Variants in PCDHGA6 observed in about 807,000 individuals in gnomAD.
PCDHGA6 encodes protocadherin gamma-A6.
In PCDHGA6, 41 loss-of-function variants were observed where a neutral mutation model predicts 60.6. That is an observed-to-expected ratio of 0.68 (90% confidence interval 0.53 to 0.88). The LOEUF (loss-of-function observed/expected upper bound fraction) is 0.88. PCDHGA6 is among the 40% of genes least tolerant of loss of function. PCDHGA6 has a pLI of 0.00. For missense variants in PCDHGA6, 1,312 were observed against 1,203.0 expected, an observed-to-expected ratio of 1.09 and a Z score of -1.34; for synonymous variants, 594 against 524.4, an observed-to-expected ratio of 1.13 and a Z score of -1.81.
At chr5:141,418,802 T>G (rs775155011) in intron 1 of PCDHGA6, 1 of 1,613,862 alleles carries the variant, frequency 6.2e-7, no homozygotes, top group Non-Finnish European at 8.5e-7. Flanking sequence ...AGTAGAAAGA[T>G]ATACGATAAA....
chr5:141,395,218 A>G, intron 1 of PCDHGA6: 2 of 1,612,142 alleles, frequency 1.2e-6, no homozygotes, highest in Non-Finnish European at 1.7e-6. Flanking sequence ...GAATATAAGA[A>G]TGAAGCTGAT....
At chr5:141,423,429 A>G (rs1590473158) in intron 1 of PCDHGA6, 2 of 1,613,960 alleles carry the variant, frequency 1.2e-6, no homozygotes, top group African/African-American at 1.3e-5. Flanking sequence ...GCGGGTTGGC[A>G]GGTATGCCCA....
Position 141,477,201 on chromosome 5 carries a change from C to T in PCDHGA6, c.2425-17606C>T, listed in dbSNP as rs1269388368. 6.2e-7 allele frequency: 1 copy of T among 1,614,076 alleles called. No homozygotes were observed. Among genetic ancestry groups the T allele is most frequent in the Non-Finnish European group, 8.5e-7 (1 of 1,180,056 alleles). On this transcript the variant is annotated intron_variant, in intron 1 of 3. Transcript: ENST00000517434. The surrounding 1 kb of genome is among the most constrained non-coding windows in gnomAD (Gnocchi z 4.9). ...GTCACCTCCGTGTACAGCCCAGTAC[C>T]CGAGGATGCCCCTCTGGGGACTGTC... is the stretch of plus-strand genomic sequence containing the variant.
intron 1 of PCDHGA6, among the ~76,000 whole-genome samples, chr5:141,462,331 T>C (rs909948238): frequency 6.6e-6 from 1 of 152,244 alleles, no homozygotes; most frequent in African/African-American, 2.4e-5. Context: ...TCTAATTTAA[T>C]TGTATTGTGA....
chr5:141,384,959 A>G (rs771197511), intron 1 of PCDHGA6: 2 of 1,613,600 alleles, frequency 1.2e-6, no homozygotes, highest in Admixed American at 1.7e-5. Flanking sequence ...CCTTACAACT[A>G]TGACCTCACG....
chr5:141,403,109 G>A (rs754708762), intron 1 of PCDHGA6: 3 of 1,614,074 alleles, frequency 1.9e-6, no homozygotes. Context: ...CAAGGACCTG[G>A]CTCTGGAGCC....
intron 1 of PCDHGA6, among the ~76,000 whole-genome samples, chr5:141,460,653 G>A (rs10058370): frequency 0.17 from 25,559 of 151,914 alleles, 2,196 homozygotes; most frequent in South Asian, 0.22. Flanking sequence ...TTACACATAT[G>A]TAACTGTAAA....
chr5:141,494,671 C>T, intron 1 of PCDHGA6, 136 bp from the exon 2 acceptor site: 1 of 1,532,340 alleles, frequency 6.5e-7, no homozygotes, highest in East Asian at 2.4e-5. Context: ...GAGATGAGTC[C>T]ACCCCTGCCC....
intron 1 of PCDHGA6, chr5:141,399,528 C>A: frequency 6.2e-7 from 1 of 1,614,046 alleles, no homozygotes; most frequent in Non-Finnish European, 8.5e-7. Flanking sequence ...GGGCCTCCAT[C>A]GCGCAAGTCT....
intron 1 of PCDHGA6, chr5:141,440,542 C>T (rs1448576873): frequency 6.6e-6 from 1 of 152,206 alleles, no homozygotes; most frequent in Non-Finnish European, 1.5e-5. Context: ...CACGGTTCAG[C>T]AGGAATGTTA....
intron 1 of PCDHGA6, among the ~76,000 whole-genome samples, chr5:141,406,857 A>T (rs1377435171): frequency 2.0e-5 from 3 of 152,244 alleles, no homozygotes; most frequent in Admixed American, 2.0e-4. Flanking sequence ...TTAAGAAAAT[A>T]TTCTCAGGAA....
At chr5:141,405,227 C>T (rs562247940) in intron 1 of PCDHGA6, 1 of 1,614,114 alleles carries the variant, frequency 6.2e-7, no homozygotes, top group South Asian at 1.1e-5. Flanking sequence ...GGAGTTCTCC[C>T]TCACCGCTGA....
At chr5:141,413,195 G>T (rs771456948) in intron 1 of PCDHGA6, 1 of 1,610,846 alleles carries the variant, frequency 6.2e-7, no homozygotes, top group South Asian at 1.1e-5. Context: ...CAAAGGAATC[G>T]CTCAAAGGAA....
rs773688197 is a variant in PCDHGA6, at chr5:141,432,412, C to T, written c.2424+55905C>T. On this transcript the variant is annotated intron_variant, in intron 1 of 3. Transcript: ENST00000517434. This position sits in a 1 kb window ranked among gnomAD's most constrained non-coding sequence, Gnocchi z 6.0. ...GCAGCAACGTGTCGTTGAGCCTGTT[C>T]GTGCTGGACCAGAACGACAATGCGC... 5 of 1,614,128 alleles carry T rather than the reference C, an allele frequency of 3.1e-6. No individual in the cohort carries two copies. The highest frequency in any genetic ancestry group is 4.5e-5 in the East Asian group (2 of 44,894).
At chr5:141,428,223 A>G in intron 1 of PCDHGA6, 1 of 1,169,680 alleles carries the variant, frequency 8.5e-7, no homozygotes. Context: ...TAGTCTTCGC[A>G]GACAGCCTGC....
In PCDHGA6 at chr5:141,419,702, G is replaced by A. The variant is rs116279995; in HGVS notation, c.2424+43195G>A. 1.9e-3 allele frequency: 3,028 copies of A among 1,612,950 alleles called. 48 individuals are homozygous for A. In the African/African-American group the frequency reaches 0.033, roughly 18 times the overall value. The stretch of plus-strand genomic sequence containing the variant: ...CCACGTGGTGCAGGCCAGTGAGCCC[G>A]GGCTCTTCAGCCTGGGGCTGCGAAC... On this transcript the variant is annotated intron_variant, in intron 1 of 3. Transcript: ENST00000517434.
At chr5:141,393,523 A>G in intron 1 of PCDHGA6, 1 of 1,614,018 alleles carries the variant, frequency 6.2e-7, no homozygotes, top group East Asian at 2.2e-5. Flanking sequence ...GATACAAATG[A>G]CAATGCCCCG....
At chr5:141,427,526 G>A (rs956426158) in intron 1 of PCDHGA6, 2 of 612,866 alleles carry the variant, frequency 3.3e-6, no homozygotes, top group Middle Eastern at 2.6e-4. Context: ...AGCGGATCCC[G>A]GAGTACAACG....
At chr5:141,501,290 T>TACACACACAC (rs55762287) in intron 2 of PCDHGA6, among the ~76,000 whole-genome samples, 12 of 136,162 alleles carry the variant, frequency 8.8e-5, no homozygotes, top group Admixed American at 4.7e-4. Context: ...TATTCCCTTA[T>TACACACACAC]ACACACACAC....
Sources: allele counts gnomAD v4.1 joint callset (sites outside exome capture counted in the v4.1 genomes callset), GRCh38; gene constraint gnomAD v4.1.1; non-coding constraint Gnocchi (gnomAD v3.1); transcripts MANE v1.5; gene names NCBI Gene and HGNC (gene_info 2026-07-23, HGNC 2026-07-21).